SOX5: variants seen among roughly 807,000 people sequenced by gnomAD.
SOX5 encodes transcription factor SOX-5.
SOX5 carries 9 observed loss-of-function variants against 92.0 expected under a neutral mutation model. That is an observed-to-expected ratio of 0.10 (90% CI 0.06 to 0.17). The LOEUF is 0.17. SOX5 is among the 10% of genes least tolerant of loss of function. The pLI is 1.00. For synonymous variants in SOX5, 344 were observed against 336.3 expected (o/e 1.02, Z -0.25); for missense variants, 642 against 944.5 (o/e 0.68, Z 4.20).
chr12:23,716,345 C>T (rs2092493688), intron 6 of SOX5, among the ~76,000 whole-genome samples: 1 of 152,078 alleles, frequency 6.6e-6, no homozygotes, highest in Non-Finnish European at 1.5e-5. Context: ...CAGGCTTATC[C>T]ATTGTTCTTA....
intron 4 of SOX5, among the ~76,000 whole-genome samples, chr12:24,047,733 T>C (rs1216996571): frequency 2.0e-5 from 3 of 152,208 alleles, no homozygotes; most frequent in Non-Finnish European, 2.9e-5. Flanking sequence ...ATACTGCCTT[T>C]ACCTGTCAAT....
intron 1 of SOX5, among the ~76,000 whole-genome samples, chr12:24,466,232 C>T (rs536155806): frequency 2.6e-5 from 4 of 151,776 alleles, no homozygotes; most frequent in Admixed American, 6.6e-5. Context: ...TTCCTTCTTT[C>T]TTCTTCTTTT....
chr12:24,098,408 C>T lies in SOX5; in HGVS notation c.-2+114935G>A, dbSNP rs566314975. Reference sequence around the variant, plus strand: ...TTATTTTAGTATGCACATACACACACACGGTAGTTTTCAATTGCTTGGAAA... The same window carrying T: ...TTATTTTAGTATGCACATACACACATACGGTAGTTTTCAATTGCTTGGAAA... On this transcript the variant is annotated intron_variant, in intron 4 of 4. Coordinates refer to the SOX5 transcript ENST00000446891. Among the ~76,000 whole-genome samples the T allele has an allele frequency of 1.0e-3, 157 of 152,214 alleles. 1 individual carries two copies. Among genetic ancestry groups the T allele is most frequent in the African/African-American group, 3.7e-3 (154 of 41,564 alleles).
At chr12:23,570,918 AAAAAAAAAAAAAATAT>A (rs1476395596) in intron 10 of SOX5, among the ~76,000 whole-genome samples, 1 of 34,414 alleles carries the variant, frequency 2.9e-5, no homozygotes, top group African/African-American at 1.2e-4. Flanking sequence ...CTCAAAAAAA[AAAAAAAAAAAAAATAT>A]ATATATATAT....
intron 2 of SOX5, among the ~76,000 whole-genome samples, chr12:23,861,512 C>G (rs1432920314): frequency 6.6e-6 from 1 of 152,166 alleles, no homozygotes; most frequent in African/African-American, 2.4e-5. Context: ...TCCACTTCTA[C>G]AATTCTACTG....
chr12:24,387,519 C>T (rs1198540657), intron 1 of SOX5, among the ~76,000 whole-genome samples: 2 of 152,122 alleles, frequency 1.3e-5, no homozygotes, highest in Non-Finnish European at 2.9e-5. Context: ...GGCAGAGACT[C>T]AGATGTGCAT....
At chr12:23,626,948 C>T (rs1442036154) in intron 8 of SOX5, among the ~76,000 whole-genome samples, 12 of 152,078 alleles carry the variant, frequency 7.9e-5, no homozygotes, top group South Asian at 2.1e-4. Flanking sequence ...ATTCCAATAA[C>T]GGAACACCGG....
At chr12:23,798,363 G>A (rs1014827504) in intron 3 of SOX5, among the ~76,000 whole-genome samples, 2 of 151,798 alleles carry the variant, frequency 1.3e-5, no homozygotes, top group African/African-American at 4.8e-5. Context: ...ATTGCCATTT[G>A]AAACACTGCA....
chr12:23,601,725 T>C (rs1267371945), intron 9 of SOX5, among the ~76,000 whole-genome samples: 4 of 152,204 alleles, frequency 2.6e-5, no homozygotes, highest in Non-Finnish European at 5.9e-5. Flanking sequence ...AATTCATGTA[T>C]TGTAATGGGT....
At chr12:23,937,067 T>C (rs1238179577) in intron 1 of SOX5, among the ~76,000 whole-genome samples, 2 of 150,948 alleles carry the variant, frequency 1.3e-5, no homozygotes, top group East Asian at 1.9e-4. Context: ...TCTCAATATG[T>C]ATTTTTCCAT....
In SOX5 at chr12:23,788,378, A is replaced by G. The variant is rs182953183; in HGVS notation, c.482-32654T>C. Among the ~76,000 whole-genome samples the G allele has an allele frequency of 5.3e-5, 8 of 152,108 alleles. No individual in the cohort carries two copies. In the East Asian group the frequency reaches 9.6e-4, roughly 18 times the overall value. ...AGTCGCACAGAAACAAGCTTTCTTAACACACAAACCTGAGTGAAAATTTTC... is the reference window on the plus strand; with the variant it reads ...AGTCGCACAGAAACAAGCTTTCTTAGCACACAAACCTGAGTGAAAATTTTC... On this transcript the variant is annotated intron_variant, in intron 3 of 14. Transcript: ENST00000451604.
chr12:24,305,486 G>A lies in SOX5; in HGVS notation c.-173-28174C>T, dbSNP rs1264129578. 6.6e-5 allele frequency among the ~76,000 whole-genome samples: 10 copies of A among 152,288 alleles called. No homozygotes were observed. In the East Asian group the frequency reaches 7.7e-4, roughly 12 times the overall value. On this transcript the variant is annotated intron_variant, in intron 2 of 4. Transcript: ENST00000446891. ...TAAGCAGATAAAGAGTGTCTGCTACGAGGGAGAGGGAGGCAGCCTCATTGG... is the reference window on the plus strand; with the variant it reads ...TAAGCAGATAAAGAGTGTCTGCTACAAGGGAGAGGGAGGCAGCCTCATTGG...
intron 1 of SOX5, among the ~76,000 whole-genome samples, chr12:24,482,729 G>A (rs1946130523): frequency 6.6e-6 from 1 of 152,128 alleles, no homozygotes; most frequent in Admixed American, 6.6e-5. Context: ...TTTAATTTGT[G>A]TAGAATGTGC....
rs1950478936 is a variant in SOX5, at chr12:23,990,648, C to G, written c.-1-94624G>C. 2.6e-5 allele frequency among the ~76,000 whole-genome samples: 4 copies of G among 152,130 alleles called. 1 individual carries two copies. The South Asian group carries it at 8.3e-4, about 32-fold the overall frequency. On this transcript the variant is annotated intron_variant, in intron 4 of 4. Transcript: ENST00000446891. ...TCATCACTTCTAATTCTGTACTACACTTCTGTATCTTCTACATGTTTCTAT... is the reference window on the plus strand; with the variant it reads ...TCATCACTTCTAATTCTGTACTACAGTTCTGTATCTTCTACATGTTTCTAT...
chr12:23,763,428 C>T (rs1567570294), intron 3 of SOX5, among the ~76,000 whole-genome samples: 1 of 152,088 alleles, frequency 6.6e-6, no homozygotes, highest in Non-Finnish European at 1.5e-5. Context: ...AAAGTTTCAT[C>T]AAAGAGTAAT....
chr12:24,068,704 G>GTGTGTGTGTGTA (rs1444359956), intron 4 of SOX5, among the ~76,000 whole-genome samples: 1 of 74,322 alleles, frequency 1.3e-5, no homozygotes. Flanking sequence ...GTGTGTGTGT[G>GTGTGTGTGTGTA]TATATATATA....
At chr12:24,357,477 AC>A (rs748491608) in intron 2 of SOX5, 2 of 152,220 alleles carry the variant, frequency 1.3e-5, no homozygotes, top group African/African-American at 2.4e-5. Flanking sequence ...GGAGGTTCCA[AC>A]GGAAGCACAG....
chr12:23,593,190 G>A (rs1951832399), intron 9 of SOX5, among the ~76,000 whole-genome samples: 1 of 152,034 alleles, frequency 6.6e-6, no homozygotes, highest in South Asian at 2.1e-4. Context: ...CAATACATAA[G>A]ACAAGGAATA....
At chr12:23,708,932 C>T (rs2091751991) in intron 6 of SOX5, among the ~76,000 whole-genome samples, 2 of 152,140 alleles carry the variant, frequency 1.3e-5, no homozygotes, top group African/African-American at 2.4e-5. Flanking sequence ...TACCTCTATA[C>T]TACACTTCAC....
Sources: allele counts gnomAD v4.1 joint callset (sites outside exome capture counted in the v4.1 genomes callset), GRCh38; gene constraint gnomAD v4.1.1; transcripts MANE v1.5; gene names NCBI Gene and HGNC (gene_info 2026-07-23, HGNC 2026-07-21).